EYS: variants seen among roughly 807,000 people sequenced by gnomAD.
EYS encodes protein eyes shut homolog.
In EYS, 250 loss-of-function variants were observed where a neutral mutation model predicts 282.1. The observed-to-expected ratio is 0.89, with a 90% CI of 0.80 to 0.98. The LOEUF is 0.98. EYS is among the 50% of genes least tolerant of loss of function. EYS has a pLI of 0.00. For synonymous variants in EYS, 1,355 were observed against 1,282.9 expected, an observed-to-expected ratio of 1.06 and a Z score of -1.20; for missense variants, 4,016 against 3,709.0, an observed-to-expected ratio of 1.08 and a Z score of -2.15.
chr6:64,768,402 G>T (rs940130808), intron 22 of EYS, among the ~76,000 whole-genome samples: 5 of 152,128 alleles, frequency 3.3e-5, no homozygotes, highest in African/African-American at 1.2e-4. Context: ...ATGGACAGGG[G>T]TGATGAAATT....
At chr6:64,092,200 T>C (rs983320487) in intron 31 of EYS, among the ~76,000 whole-genome samples, 2 of 152,300 alleles carry the variant, frequency 1.3e-5, no homozygotes, top group Admixed American at 1.3e-4. Flanking sequence ...TGAATAGTGC[T>C]GCAATAAACA....
rs768963198 is a variant in EYS, at chr6:64,436,276, A to C, written c.5836-11T>G. 2.7e-6 allele frequency: 4 copies of C among 1,504,250 alleles called. No homozygotes were observed. Among genetic ancestry groups the C allele is most frequent in the Non-Finnish European group, 3.6e-6 (4 of 1,111,632 alleles). The allele number at this position is 1,504,250 out of a possible 1,614,324, so 93.2% of individuals were successfully genotyped here. On this transcript the variant is annotated splice_polypyrimidine_tract_variant and intron_variant, in intron 27 of 42. Transcript: ENST00000503581. ...ACAGTAAAAGTGGTACTGTTGGGGGAAAAAATTTTGTCCTCAAACAGTTTT... is the reference window on the plus strand; with the variant it reads ...ACAGTAAAAGTGGTACTGTTGGGGGCAAAAATTTTGTCCTCAAACAGTTTT...
At chr6:64,850,286 C>T (rs945236036) in intron 19 of EYS, among the ~76,000 whole-genome samples, 2 of 152,084 alleles carry the variant, frequency 1.3e-5, no homozygotes, top group Non-Finnish European at 2.9e-5. Context: ...TTTCCCCCAG[C>T]CTTTGAAGTC....
chr6:65,484,311 T>A (rs910962981), intron 5 of EYS, among the ~76,000 whole-genome samples: 2 of 152,206 alleles, frequency 1.3e-5, no homozygotes, highest in African/African-American at 2.4e-5. Context: ...CCAAGTACTA[T>A]TATTTATGGT....
At chr6:64,261,611 A>T (rs1169208195) in intron 30 of EYS, among the ~76,000 whole-genome samples, 1 of 152,072 alleles carries the variant, frequency 6.6e-6, no homozygotes, top group East Asian at 1.9e-4. Context: ...TGTTAACTTA[A>T]AATGAGATCT....
chr6:63,825,724 G>A lies in EYS; in HGVS notation c.7229-19352C>T, dbSNP rs138920169. Among the ~76,000 whole-genome samples the A allele has an allele frequency of 3.1e-3, 465 of 152,254 alleles. 3 individuals carry two copies. Among genetic ancestry groups the A allele is most frequent in the Non-Finnish European group, 5.2e-3 (351 of 68,024 alleles). ...TACTACATCAAGGAAACACCCCATG[G>A]GACAAAATGATCTGAACAACAGCCT... is the stretch of plus-strand genomic sequence containing the variant. On this transcript the variant is annotated intron_variant, in intron 36 of 42. Coordinates refer to ENST00000503581, the MANE Select transcript of EYS (RefSeq NM_001142800.2).
intron 13 of EYS, among the ~76,000 whole-genome samples, chr6:65,011,594 G>A (rs531889651): frequency 2.0e-5 from 3 of 152,214 alleles, no homozygotes; most frequent in Admixed American, 6.5e-5. Flanking sequence ...GGCAGTCATC[G>A]GACAATCTCC....
chr6:64,547,304 GTCCATTTTACAGAGAGCCGACTGC>G (rs1354642544), intron 26 of EYS, among the ~76,000 whole-genome samples: 11 of 152,074 alleles, frequency 7.2e-5, no homozygotes, highest in Non-Finnish European at 1.6e-4. Context: ...CTGCTGATTG[GTCCATTTTACAGAGAGCCGACTGC>G]TCCATTTTAC....
intron 22 of EYS, among the ~76,000 whole-genome samples, chr6:64,768,156 T>G (rs562025166): frequency 6.6e-6 from 1 of 152,228 alleles, no homozygotes; most frequent in Admixed American, 6.5e-5. Context: ...TGTATTAAAC[T>G]ATTCTGTTTG....
At chr6:63,848,750 G>T (rs115353372) in intron 36 of EYS, among the ~76,000 whole-genome samples, 2,602 of 152,210 alleles carry the variant, frequency 0.017, 32 homozygotes, top group Non-Finnish European at 0.028. Context: ...GCACAAAACT[G>T]GGCAGCTGTT....
intron 31 of EYS, among the ~76,000 whole-genome samples, chr6:64,084,281 A>G (rs1227855398): frequency 6.6e-6 from 1 of 151,892 alleles, no homozygotes; most frequent in Admixed American, 6.6e-5. Context: ...GATTTTTCAA[A>G]CTCTTGTTGT....
At chr6:64,339,331 C>T (rs925201522) in intron 29 of EYS, among the ~76,000 whole-genome samples, 5 of 151,642 alleles carry the variant, frequency 3.3e-5, no homozygotes, top group Non-Finnish European at 5.9e-5. Flanking sequence ...CATAAATAGA[C>T]AATTCTCAAA....
At chr6:64,916,780 T>C (rs897708541) in intron 15 of EYS, among the ~76,000 whole-genome samples, 1 of 152,214 alleles carries the variant, frequency 6.6e-6, no homozygotes, top group African/African-American at 2.4e-5. Flanking sequence ...AGTGCGTGCC[T>C]AAAGATAGGT....
intron 28 of EYS, among the ~76,000 whole-genome samples, chr6:64,395,130 C>A (rs1191960793): frequency 3.3e-5 from 5 of 152,012 alleles, no homozygotes; most frequent in Admixed American, 3.3e-4. Context: ...AGTCAGGAAA[C>A]AACAGGTGCT....
At chr6:64,199,014 C>A (rs556038069) in intron 31 of EYS, among the ~76,000 whole-genome samples, 3 of 152,248 alleles carry the variant, frequency 2.0e-5, no homozygotes, top group African/African-American at 7.2e-5. Context: ...TTAATGATCA[C>A]CATTCTAACT....
chr6:65,086,790 T>C (rs1774389834), intron 12 of EYS, among the ~76,000 whole-genome samples: 1 of 151,838 alleles, frequency 6.6e-6, no homozygotes, highest in East Asian at 1.9e-4. Flanking sequence ...ATGTGTGTGG[T>C]GGTGTGTGTG....
chr6:64,856,894 T>G (rs902460611), intron 19 of EYS, among the ~76,000 whole-genome samples: 1 of 152,218 alleles, frequency 6.6e-6, no homozygotes, highest in Non-Finnish European at 1.5e-5. Context: ...CCTATGTTAA[T>G]TTTCAGAAGT....
intron 29 of EYS, among the ~76,000 whole-genome samples, chr6:64,350,886 T>A (rs1036111857): frequency 1.3e-5 from 2 of 151,478 alleles, no homozygotes; most frequent in Non-Finnish European, 3.0e-5. Flanking sequence ...CATGCTGTTC[T>A]TGTAATGGTG....
intron 31 of EYS, among the ~76,000 whole-genome samples, chr6:64,136,073 T>C (rs191151119): frequency 6.6e-6 from 1 of 152,076 alleles, no homozygotes; most frequent in African/African-American, 2.4e-5. Flanking sequence ...TAAATTTGTG[T>C]ATATTCTATA....
Sources: allele counts gnomAD v4.1 joint callset (sites outside exome capture counted in the v4.1 genomes callset), GRCh38; gene constraint gnomAD v4.1.1; transcripts MANE v1.5; gene names NCBI Gene and HGNC (gene_info 2026-07-23, HGNC 2026-07-21).